TENM1: variants seen among roughly 807,000 people sequenced by gnomAD.
TENM1 encodes the protein teneurin-1.
TENM1 carries 35 observed loss-of-function variants against 174.8 expected under a neutral mutation model. That is an observed-to-expected ratio of 0.20 (90% CI 0.15 to 0.27). The LOEUF is 0.27. TENM1 is among the 10% of genes least tolerant of loss of function. TENM1 has a pLI of 1.00. For missense variants in TENM1, 1,633 were observed against 2,130.1 expected (o/e 0.77, Z 4.59); for synonymous variants, 781 against 798.7 (o/e 0.98, Z 0.37).
intron 23 of TENM1, among the ~76,000 whole-genome samples, chrX:124,441,761 A>C (rs887842881): frequency 8.4e-4 from 94 of 112,246 alleles, no homozygotes; most frequent in African/African-American, 3.0e-3. Flanking sequence ...AATACACTGG[A>C]GGTTTGGTTG....
chrX:124,824,932 C>T (rs769211932), intron 3 of TENM1, among the ~76,000 whole-genome samples: 11 of 110,834 alleles, frequency 9.9e-5, no homozygotes, highest in Non-Finnish European at 2.1e-4. Context: ...TAAATTAACC[C>T]CACATCCTAA....
At chrX:124,426,355 A>AG (rs2060716842) in intron 23 of TENM1, among the ~76,000 whole-genome samples, 1 of 112,128 alleles carries the variant, frequency 8.9e-6, no homozygotes, top group South Asian at 3.7e-4. Flanking sequence ...GAAAGCCCAC[A>AG]GAAGGCTTTG....
intron 1 of TENM1, among the ~76,000 whole-genome samples, chrX:124,951,252 C>T (rs1231215925): frequency 9.0e-6 from 1 of 111,382 alleles, no homozygotes. Context: ...AAAAATGAGA[C>T]AAATATCAAA....
chrX:124,486,520 C>T (rs1160047528), intron 21 of TENM1, among the ~76,000 whole-genome samples: 5 of 111,883 alleles, frequency 4.5e-5, no homozygotes, highest in Non-Finnish European at 9.4e-5. Context: ...CCCATCAGTG[C>T]CATTTTGATG....
chrX:125,042,356 A>T, the TENM1 span, among the ~76,000 whole-genome samples: 1 of 110,974 alleles, frequency 9.0e-6, no homozygotes, highest in Non-Finnish European at 1.9e-5. Context: ...CTCTTTCCCT[A>T]TTTCTATGTC....
intron 3 of TENM1, among the ~76,000 whole-genome samples, chrX:124,853,992 G>T (rs1310444052): frequency 1.8e-5 from 2 of 110,537 alleles, no homozygotes; most frequent in Non-Finnish European, 3.8e-5. Flanking sequence ...GAAATAGATA[G>T]GTAGCTAGGG....
At chrX:124,471,381 TATAGTACTA>T (rs1428179668) in intron 22 of TENM1, among the ~76,000 whole-genome samples, 3,166 of 35,877 alleles carry the variant, frequency 0.088, 495 homozygotes, top group Middle Eastern at 0.32. Flanking sequence ...TATTATAATA[TATAGTACTA>T]TATATAATAT....
the TENM1 span, among the ~76,000 whole-genome samples, chrX:125,057,383 T>TGTGA: frequency 0.35 from 37,571 of 108,620 alleles, 6,742 homozygotes; most frequent in African/African-American, 0.69. Context: ...CACACATTAC[T>TGTGA]GTATGTATTA....
chrX:125,157,627 A>G, the TENM1 span, among the ~76,000 whole-genome samples: 1 of 111,984 alleles, frequency 8.9e-6, no homozygotes, highest in Non-Finnish European at 1.9e-5. Context: ...ACGAACTAGC[A>G]TGCCTCAATT....
chrX:124,763,030 C>T (rs1407368668), intron 3 of TENM1, among the ~76,000 whole-genome samples: 5 of 111,553 alleles, frequency 4.5e-5, no homozygotes, highest in African/African-American at 1.3e-4. Flanking sequence ...ATATATCTGC[C>T]TGAAAAATCA....
chrX:125,142,452 C>T, the TENM1 span, among the ~76,000 whole-genome samples: 2,683 of 111,168 alleles, frequency 0.024, 66 homozygotes, highest in African/African-American at 0.084. Context: ...GGAGGCCTAG[C>T]AGAAGGCAAA....
intron 4 of TENM1, among the ~76,000 whole-genome samples, chrX:124,707,650 T>C (rs1157683463): frequency 1.8e-5 from 2 of 111,818 alleles, no homozygotes; most frequent in African/African-American, 3.3e-5. Flanking sequence ...TAAAAATGGG[T>C]GGCACCACAG....
At chrX:125,110,511 G>C in the TENM1 span, among the ~76,000 whole-genome samples, 1 of 111,017 alleles carries the variant, frequency 9.0e-6, no homozygotes, top group Non-Finnish European at 1.9e-5. Context: ...GAAGTGGTGA[G>C]GGAAAAGGGA....
chrX:124,974,373 C>T, the TENM1 span, among the ~76,000 whole-genome samples: 3 of 111,566 alleles, frequency 2.7e-5, no homozygotes. Context: ...TTTGTTTAAT[C>T]TACCTGTTCT....
chrX:125,158,725 A>G, the TENM1 span, among the ~76,000 whole-genome samples: 1 of 111,764 alleles, frequency 8.9e-6, no homozygotes, highest in Admixed American at 9.5e-5. Flanking sequence ...TAGATTCCCA[A>G]GAGAGAGCAA....
intron 14 of TENM1, among the ~76,000 whole-genome samples, chrX:124,551,528 CCACACACACA>C (rs200848099): frequency 9.8e-6 from 1 of 101,775 alleles, no homozygotes; most frequent in Admixed American, 1.1e-4. Flanking sequence ...ACACACACAC[CCACACACACA>C]CACACACACA....
At chrX:125,047,722 T>G in the TENM1 span, among the ~76,000 whole-genome samples, 1 of 111,640 alleles carries the variant, frequency 9.0e-6, no homozygotes, top group Non-Finnish European at 1.9e-5. Flanking sequence ...TGGTGCATAG[T>G]CAAGTATGGT....
intron 11 of TENM1, among the ~76,000 whole-genome samples, chrX:124,594,331 A>C (rs2843506): frequency 0.24 from 26,510 of 111,166 alleles, 2,373 homozygotes; most frequent in South Asian, 0.41. Context: ...TAACTTAAAA[A>C]AAATCTTCTC....
At chrX:124,756,494 A>T (rs1481093739) in intron 3 of TENM1, among the ~76,000 whole-genome samples, 5 of 107,252 alleles carry the variant, frequency 4.7e-5, no homozygotes, top group African/African-American at 1.0e-4. Context: ...TCAACTCGTC[A>T]AAGTCATTCT....
Sources: allele counts gnomAD v4.1 joint callset (sites outside exome capture counted in the v4.1 genomes callset), GRCh38; gene constraint gnomAD v4.1.1; transcripts MANE v1.5; gene names NCBI Gene and HGNC (gene_info 2026-07-23, HGNC 2026-07-21).